WASF1: variants seen among roughly 807,000 people sequenced by gnomAD.
WASF1 encodes actin-binding protein WASF1.
Under a neutral mutation model 50.5 loss-of-function variants are expected in WASF1, and 7 were observed. The ratio of observed to expected loss-of-function variants is 0.14; its 90% CI spans 0.08 to 0.26. The LOEUF (loss-of-function observed/expected upper bound fraction) is 0.26, where lower values mean the gene tolerates loss of function less well. Among genes scored for constraint, WASF1 ranks in the 10% least tolerant of loss-of-function variants. The pLI is 1.00. For missense variants in WASF1, 470 were observed against 694.7 expected (o/e 0.68, Z 3.64); for synonymous variants, 205 against 244.0 (o/e 0.84, Z 1.49).
intron 2 of WASF1, among the ~76,000 whole-genome samples, chr6:110,172,845 A>T (rs1776774493): frequency 6.6e-6 from 1 of 152,072 alleles, no homozygotes; most frequent in Non-Finnish European, 1.5e-5. Flanking sequence ...TGTACACTAT[A>T]CTAAAAAGCC....
intron 3 of WASF1, among the ~76,000 whole-genome samples, chr6:110,154,771 G>T (rs557942587): frequency 1.8e-4 from 27 of 152,078 alleles, no homozygotes; most frequent in Middle Eastern, 3.4e-3. Flanking sequence ...GTCATTTGAA[G>T]ATTTTAAATA....
rs995892429 is a variant in WASF1 at position 110,105,533 on chromosome 6, G to A, written c.587C>T (p.Ala196Val). 6.2e-7 allele frequency: 1 copy of A among 1,613,878 alleles called. No individual in the cohort carries two copies. Among genetic ancestry groups the A allele is most frequent in the Admixed American group, 1.7e-5 (1 of 60,006 alleles). Residue 196 changes from alanine to valine, a missense_variant, in exon 8 of 11, where the codon GCA (alanine) becomes GTA (valine). This residue lies in a region of WASF1 where 140 missense variants were observed against 260.5 expected (regional missense o/e 0.54). Transcript: ENST00000392589. The stretch of plus-strand genomic sequence containing the variant: ...CCATTCTCGCCGCCTGTCATGAGGT[G>A]CTCTTGGCACTTTTTCTGGTTCATG... ...RPHEPEKVPR[A>V]PHDRRREWQK...
At chr6:110,124,223 TCTCCTCTCTCTC>T (rs1459544440) in intron 4 of WASF1, among the ~76,000 whole-genome samples, 1 of 69,966 alleles carries the variant, frequency 1.4e-5, no homozygotes, top group African/African-American at 8.9e-5. Flanking sequence ...CTCTCCTCTC[TCTCCTCTCTCTC>T]CTCTCTCTCT....
At chr6:110,113,945 G>A (rs1773682912) in intron 4 of WASF1, among the ~76,000 whole-genome samples, 1 of 152,066 alleles carries the variant, frequency 6.6e-6, no homozygotes, top group Non-Finnish European at 1.5e-5. Context: ...TCACAGTCAA[G>A]AGAAATATAA....
rs565863989 is a variant in WASF1, at chr6:110,128,591, T to C, written c.-28-962A>G. Reference sequence around the variant, plus strand: ...TTTGCATGCTTCGCATATGCACAAATTTGAGTGACTCGAGTTAGTAACAAC... The same window carrying C: ...TTTGCATGCTTCGCATATGCACAAACTTGAGTGACTCGAGTTAGTAACAAC... On this transcript the variant is annotated intron_variant, in intron 3 of 10. Coordinates refer to ENST00000392589, the MANE Select transcript of WASF1 (RefSeq NM_003931.3). Among the ~76,000 whole-genome samples the C allele has an allele frequency of 5.2e-4, 79 of 152,370 alleles. 1 individual carries two copies. The highest frequency in any genetic ancestry group is 6.2e-4 in the South Asian group (3 of 4,828).
intron 3 of WASF1, among the ~76,000 whole-genome samples, chr6:110,134,116 T>C (rs6904509): frequency 0.17 from 26,051 of 151,932 alleles, 3,513 homozygotes; most frequent in African/African-American, 0.38. Flanking sequence ...GGGGTTTCAC[T>C]ATGTTGGTCA....
intron 2 of WASF1, among the ~76,000 whole-genome samples, chr6:110,170,759 T>C (rs1009618451): frequency 4.6e-5 from 7 of 152,020 alleles, no homozygotes; most frequent in African/African-American, 1.7e-4. Flanking sequence ...GAGAAAGATA[T>C]ACCATGCTAA....
At chr6:110,167,050 T>A (rs1444894246) in intron 2 of WASF1, among the ~76,000 whole-genome samples, 1 of 151,844 alleles carries the variant, frequency 6.6e-6, no homozygotes, top group African/African-American at 2.4e-5. Flanking sequence ...CTAAAAAAAA[T>A]TCCTATCACC....
At position 110,139,091 on chromosome 6, in the gene WASF1, A is replaced by C. The variant is rs568250444; in HGVS notation, c.-28-11462T>G. Among the ~76,000 whole-genome samples the C allele has an allele frequency of 1.2e-4, 18 of 152,346 alleles. 1 individual carries two copies. The highest frequency in any genetic ancestry group is 1.1e-3 in the Admixed American group (17 of 15,306). ...AAAGTCTGGAGGGGGTCAAGGTGGC[A>C]GGGGTTGGTGTGTCAGTACTGCCTT... is the stretch of plus-strand genomic sequence containing the variant. On this transcript the variant is annotated intron_variant, in intron 3 of 10. Coordinates refer to ENST00000392589, the MANE Select transcript of WASF1 (RefSeq NM_003931.3).
At chr6:110,110,346 C>T (rs544057826) in intron 5 of WASF1, among the ~76,000 whole-genome samples, 71 of 152,304 alleles carry the variant, frequency 4.7e-4, no homozygotes, top group Non-Finnish European at 6.0e-4. Flanking sequence ...CAATACCACA[C>T]GCTGTTCTCA....
chr6:110,151,145 G>T (rs967513274), intron 3 of WASF1, among the ~76,000 whole-genome samples: 4 of 152,142 alleles, frequency 2.6e-5, no homozygotes, highest in Admixed American at 1.3e-4. Flanking sequence ...GGGTCATAGG[G>T]TATATATACA....
intron 6 of WASF1, among the ~76,000 whole-genome samples, chr6:110,107,913 TC>T (rs1562162563): frequency 6.6e-6 from 1 of 152,034 alleles, no homozygotes; most frequent in Non-Finnish European, 1.5e-5. Flanking sequence ...ACGCCTGTAA[TC>T]CCAGCACTTT....
chr6:110,135,602 C>T (rs1774910327), intron 3 of WASF1, among the ~76,000 whole-genome samples: 1 of 151,874 alleles, frequency 6.6e-6, no homozygotes, highest in African/African-American at 2.4e-5. Context: ...CTAAAGCTAC[C>T]CATGATCTTA....
rs149139785 is a variant in WASF1, at chr6:110,114,149, C to G, written c.134-689G>C. Reference sequence around the variant, plus strand: ...TAAAATGCTGTTTGAGCAGTTCTCTCTCCACTAAATTGCATATAAGAGTAG... The same window carrying G: ...TAAAATGCTGTTTGAGCAGTTCTCTGTCCACTAAATTGCATATAAGAGTAG... On this transcript the variant is annotated intron_variant, in intron 4 of 10. Transcript: ENST00000392589. Among the ~76,000 whole-genome samples, 18 of 152,302 alleles carry G rather than the reference C, an allele frequency of 1.2e-4. No homozygotes were observed. The East Asian group carries it at 3.5e-3, about 29-fold the overall frequency.
chr6:110,148,335 C>A (rs571509420), intron 3 of WASF1, among the ~76,000 whole-genome samples: 1 of 151,884 alleles, frequency 6.6e-6, no homozygotes, highest in Admixed American at 6.6e-5. Flanking sequence ...ACCAAACAAT[C>A]CCCCGTGTAT....
intron 3 of WASF1, among the ~76,000 whole-genome samples, chr6:110,149,484 TAA>T (rs71729607): frequency 0.15 from 15,591 of 102,898 alleles, 942 homozygotes; most frequent in African/African-American, 0.23. Flanking sequence ...GACTCTGTCT[TAA>T]AAAAAAAAAA....
chr6:110,126,833 T>C (rs952564615), intron 4 of WASF1, among the ~76,000 whole-genome samples: 37 of 152,354 alleles, frequency 2.4e-4, no homozygotes, highest in Admixed American at 2.1e-3. Flanking sequence ...ACATATTGCC[T>C]GTCTCCTTCT....
rs535824663 is a variant in WASF1 at position 110,112,905 on chromosome 6, A to C, written c.268+421T>G. The stretch of plus-strand genomic sequence containing the variant: ...CAGAGTGTCTGTCTCAAAAAAAAAA[A>C]AAAACAAAAAAAAAACCAGTTACAT... On this transcript the variant is annotated intron_variant, in intron 5 of 10. Transcript: ENST00000392589. 6.2e-3 allele frequency among the ~76,000 whole-genome samples: 801 copies of C among 129,330 alleles called. 10 individuals are homozygous for C. Among genetic ancestry groups the C allele is most frequent in the African/African-American group, 0.026 (776 of 29,504 alleles). 84.8% of individuals were successfully genotyped at this position (129,330 alleles called of 152,430 possible). A position where few individuals can be genotyped will look rare whatever the true frequency, so the allele number is the denominator to read the frequency against.
chr6:110,128,533 T>C (rs984567018), intron 3 of WASF1, among the ~76,000 whole-genome samples: 4 of 152,190 alleles, frequency 2.6e-5, no homozygotes, highest in African/African-American at 9.7e-5. Flanking sequence ...GATCAAAAAG[T>C]TCAACCATCT....
Sources: allele counts gnomAD v4.1 joint callset (sites outside exome capture counted in the v4.1 genomes callset), GRCh38; gene constraint gnomAD v4.1.1; regional missense constraint gnomAD v4.1.1; transcripts MANE v1.5; gene names NCBI Gene and HGNC (gene_info 2026-07-23, HGNC 2026-07-21).